EXOC6: variants seen among roughly 807,000 people sequenced by gnomAD.
The protein encoded by EXOC6 is SEC15-like 1.
Under a neutral mutation model 112.5 loss-of-function variants are expected in EXOC6, and 60 were observed. That is an observed-to-expected ratio of 0.53 (90% CI 0.43 to 0.66). The LOEUF (loss-of-function observed/expected upper bound fraction) is 0.66, where lower values mean the gene tolerates loss of function less well. Among genes scored for constraint, EXOC6 ranks in the 30% least tolerant of loss-of-function variants. EXOC6 has a pLI of 0.00. For synonymous variants in EXOC6, 295 were observed against 308.0 expected (o/e 0.96, Z 0.44); for missense variants, 855 against 957.1 (o/e 0.89, Z 1.41).
chr10:92,845,117 T>C (rs566029408), upstream of EXOC6, among the ~76,000 whole-genome samples: 48 of 152,334 alleles, frequency 3.2e-4, no homozygotes, highest in African/African-American at 1.2e-3. Flanking sequence ...GTATCTTTCT[T>C]CTTCCAGGAG....
upstream of EXOC6, chr10:92,831,427 TA>T: frequency 1.1e-6 from 1 of 891,040 alleles, no homozygotes; most frequent in Non-Finnish European, 1.5e-6. Flanking sequence ...TACTATATTC[TA>T]TTTTTTTTTT....
At chr10:92,853,253 A>G (rs1847438155) in intron 1 of EXOC6, among the ~76,000 whole-genome samples, 2 of 152,210 alleles carry the variant, frequency 1.3e-5, no homozygotes, top group Non-Finnish European at 2.9e-5. Flanking sequence ...CTGATACTAA[A>G]CTAAGTAAGT....
At chr10:92,833,702 A>T (rs1219481317), upstream of EXOC6, among the ~76,000 whole-genome samples, 1 of 152,214 alleles carries the variant, frequency 6.6e-6, no homozygotes, top group African/African-American at 2.4e-5. Flanking sequence ...AAAAAAAAAT[A>T]AAAAGCTTCT....
At position 92,894,779 on chromosome 10, in the gene EXOC6, A is replaced by C. The variant is rs375330307; in HGVS notation, c.274-15A>C. On this transcript the variant is annotated splice_polypyrimidine_tract_variant and intron_variant, in intron 2 of 21. Transcript: ENST00000260762. Reference sequence around the variant, plus strand: ...ATGCATATTTGTCTAACTAAGGTGAAATTAAATTTTTAAGGTGCAAGTTAC... The same window carrying C: ...ATGCATATTTGTCTAACTAAGGTGACATTAAATTTTTAAGGTGCAAGTTAC... The C allele has an allele frequency of 5.6e-5, 91 of 1,612,184 alleles. No homozygotes were observed. The highest frequency in any genetic ancestry group is 7.4e-5 in the Non-Finnish European group (87 of 1,178,774).
At chr10:92,858,022 T>TCCCCCCCCCCCCCCCCC (rs370524059) in intron 1 of EXOC6, among the ~76,000 whole-genome samples, 4 of 101,270 alleles carry the variant, frequency 3.9e-5, no homozygotes, top group African/African-American at 7.2e-5. Flanking sequence ...GTTGACGGGT[T>TCCCCCCCCCCCCCCCCC]CCCCCCCTCC....
chr10:92,829,352 C>T (rs572082007), intron 1 of EXOC6, among the ~76,000 whole-genome samples: 5 of 152,312 alleles, frequency 3.3e-5, no homozygotes, highest in East Asian at 3.9e-4. Context: ...AAGTCCCATT[C>T]GGGCGCCCCT....
In EXOC6 at chr10:92,935,868, T is replaced by C. The variant is rs767209401; in HGVS notation, c.1195T>C (p.Phe399Leu). 1.9e-6 allele frequency: 3 copies of C among 1,604,346 alleles called. No individual in the cohort carries two copies. Among genetic ancestry groups the C allele is most frequent in the South Asian group, 1.1e-5 (1 of 90,644 alleles). ...GGAGCTGAAGAATCTTACTGTAATATTTGCAGATACTTTACAGGTGGGTGA... is the reference window on the plus strand; with the variant it reads ...GGAGCTGAAGAATCTTACTGTAATACTTGCAGATACTTTACAGGTGGGTGA... ...VLELKNLTVI[F>L]ADTLQGYGFP... The change falls in exon 12 of 22, where the codon TTT becomes CTT. Residue 399 changes from phenylalanine (F) to leucine (L), a missense_variant. Phe to Leu is a conservative substitution (Grantham distance 22). Around this residue, in one of 2 missense-constraint regions of EXOC6, gnomAD observed 450 missense variants for 563.5 expected, o/e 0.80. Coordinates refer to ENST00000260762, the MANE Select transcript of EXOC6 (RefSeq NM_019053.6).
intron 1 of EXOC6, among the ~76,000 whole-genome samples, chr10:92,859,246 G>A (rs1156546579): frequency 1.3e-5 from 2 of 152,122 alleles, no homozygotes; most frequent in African/African-American, 4.8e-5. Flanking sequence ...TTGTTTAGTG[G>A]CTTGTTTGGA....
chr10:92,940,178 A>G (rs1852576280), intron 12 of EXOC6, among the ~76,000 whole-genome samples: 2 of 152,278 alleles, frequency 1.3e-5, no homozygotes, highest in South Asian at 4.1e-4. Flanking sequence ...CAAGTGGAGA[A>G]TTCTGTGAGG....
intron 1 of EXOC6, among the ~76,000 whole-genome samples, chr10:92,860,326 C>T (rs1847850237): frequency 7.5e-6 from 1 of 132,644 alleles, no homozygotes; most frequent in Non-Finnish European, 1.5e-5. Context: ...GGCTGGAGTG[C>T]AGTGGCGTGA....
rs1471534016 is a variant in EXOC6 at position 92,917,783 on chromosome 10, C to T, written c.819+1870C>T. ...CAGATTATCTTAGCCTCAAATTATCCTCTCACTCAGCCTTCCAAAGTGCTG... is the reference window on the plus strand; with the variant it reads ...CAGATTATCTTAGCCTCAAATTATCTTCTCACTCAGCCTTCCAAAGTGCTG... On this transcript the variant is annotated intron_variant, in intron 7 of 21. Coordinates refer to ENST00000260762, the MANE Select transcript of EXOC6 (RefSeq NM_019053.6). Among the ~76,000 whole-genome samples, 6 of 152,276 alleles carry T rather than the reference C, an allele frequency of 3.9e-5. No homozygotes were observed. In the East Asian group the frequency reaches 9.6e-4, roughly 24 times the overall value.
At chr10:92,999,533 G>T in intron 19 of EXOC6, 1 of 223,980 alleles carries the variant, frequency 4.5e-6, no homozygotes, top group Non-Finnish European at 8.9e-6. Context: ...TGTTACAGTA[G>T]TCCCTCTTAT....
At chr10:92,990,232 T>C (rs1437953956) in intron 18 of EXOC6, among the ~76,000 whole-genome samples, 1 of 152,198 alleles carries the variant, frequency 6.6e-6, no homozygotes, top group Non-Finnish European at 1.5e-5. Flanking sequence ...CATATTTGTA[T>C]TTCGTAACTT....
intron 19 of EXOC6, among the ~76,000 whole-genome samples, chr10:93,012,728 A>G (rs941092272): frequency 3.3e-5 from 5 of 152,192 alleles, no homozygotes; most frequent in African/African-American, 1.2e-4. Context: ...TCTAGCTCAG[A>G]TAAATTCACA....
chr10:92,925,593 C>T (rs564811298), intron 8 of EXOC6, among the ~76,000 whole-genome samples: 2 of 152,156 alleles, frequency 1.3e-5, no homozygotes, highest in Admixed American at 6.5e-5. Context: ...ATGCACCTGG[C>T]GTTGGTGATA....
chr10:92,859,259 A>C (rs967551897), intron 1 of EXOC6, among the ~76,000 whole-genome samples: 1 of 152,054 alleles, frequency 6.6e-6, no homozygotes, highest in African/African-American at 2.4e-5. Context: ...TGTTTGGACT[A>C]TTCTAATCAA....
chr10:92,869,300 C>T (rs1262587553), intron 1 of EXOC6, among the ~76,000 whole-genome samples: 1 of 148,578 alleles, frequency 6.7e-6, no homozygotes, highest in African/African-American at 2.5e-5. Context: ...CCATGGCAGG[C>T]CCTTTCTTTT....
At chr10:92,865,485 C>T (rs753531478) in intron 1 of EXOC6, among the ~76,000 whole-genome samples, 5 of 151,864 alleles carry the variant, frequency 3.3e-5, no homozygotes, top group Non-Finnish European at 5.9e-5. Context: ...TGCAGTGAGC[C>T]AAGATTGCGC....
intron 1 of EXOC6, among the ~76,000 whole-genome samples, chr10:92,873,080 T>C (rs1309676318): frequency 6.6e-6 from 1 of 152,252 alleles, no homozygotes; most frequent in Non-Finnish European, 1.5e-5. Flanking sequence ...CAATTCATTT[T>C]ATCCTAGAGG....
Sources: gnomAD v4.1 joint callset for allele counts (sites outside exome capture counted in the v4.1 genomes callset) on GRCh38, gnomAD v4.1.1 for gene constraint, gnomAD v4.1.1 regional missense constraint, MANE v1.5 for transcripts, NCBI Gene and HGNC (gene_info 2026-07-23, HGNC 2026-07-21) for gene names.